The following SLC47A2 variants were observed in gnomAD, a reference collection of about 807,000 sequenced individuals.
The protein encoded by SLC47A2 is multidrug and toxin extrusion protein 2.
In SLC47A2, 52 loss-of-function variants were observed where a neutral mutation model predicts 67.7. That is an observed-to-expected ratio of 0.77 (90% CI 0.61 to 0.97). The LOEUF (loss-of-function observed/expected upper bound fraction) is 0.97. SLC47A2 is among the 50% of genes least tolerant of loss of function. The probability of loss-of-function intolerance (pLI) is 0.00; values close to 1 mark genes in which losing one functional copy is unlikely to be tolerated. For synonymous variants in SLC47A2, 278 were observed against 292.9 expected (o/e 0.95, Z 0.52); for missense variants, 676 against 712.3 (o/e 0.95, Z 0.58).
intron 13 of SLC47A2, among the ~76,000 whole-genome samples, chr17:19,693,020 A>T (rs1466039855): frequency 6.6e-6 from 1 of 152,042 alleles, no homozygotes; most frequent in Admixed American, 6.6e-5. Context: ...AATCCCAGCT[A>T]CTTGGGAGGC....
At chr17:19,708,893 C>T in intron 5 of SLC47A2, 133 bp from the exon 6 acceptor site, 1 of 1,163,396 alleles carries the variant, frequency 8.6e-7, no homozygotes, top group Non-Finnish European at 1.2e-6. Flanking sequence ...TGTCTGGGAC[C>T]TCTCAGGTGC....
rs2086021693 is a variant in SLC47A2 at position 19,708,903 on chromosome 17, C to T, written c.487-143G>A. 1.2e-5 allele frequency: 13 copies of T among 1,042,616 alleles called. No individual in the cohort carries two copies. In the South Asian group the frequency reaches 1.4e-4, roughly 11 times the overall value. 64.6% of individuals were successfully genotyped at this position (1,042,616 alleles called of 1,614,324 possible). On this transcript the variant is annotated intron_variant, in intron 5 of 16. Coordinates refer to ENST00000433844, the MANE Select transcript of SLC47A2 (RefSeq NM_001099646.3). ...AAGTATGTCTGGGACCTCTCAGGTG[C>T]GGCCAAAGCCTACCCAGCCACCTGG...
intron 13 of SLC47A2, among the ~76,000 whole-genome samples, chr17:19,683,316 C>CT (rs1299508047): frequency 6.6e-6 from 1 of 152,156 alleles, no homozygotes; most frequent in Non-Finnish European, 1.5e-5. Flanking sequence ...GGGGACCGCC[C>CT]TCCCCCCACC....
chr17:19,714,571 T>G, intron 3 of SLC47A2, 150 bp downstream of exon 3: 1 of 822,366 alleles, frequency 1.2e-6, no homozygotes, highest in South Asian at 1.5e-5. Context: ...CAGCCTGTGG[T>G]CCTTGGAGGT....
At chr17:19,706,005 T>A (rs2085925320) in intron 9 of SLC47A2, among the ~76,000 whole-genome samples, 1 of 152,178 alleles carries the variant, frequency 6.6e-6, no homozygotes, top group Non-Finnish European at 1.5e-5. Flanking sequence ...CCTGCAGGCT[T>A]CCCTGTGTGG....
At chr17:19,705,174 T>C (rs939540052) in intron 10 of SLC47A2, 1 of 479,354 alleles carries the variant, frequency 2.1e-6, no homozygotes, top group Non-Finnish European at 3.6e-6. Context: ...ATGTGAAATC[T>C]CCCAATTTTA....
chr17:19,702,951 T>A (rs2085825224), intron 12 of SLC47A2, 141 bp downstream of exon 12: 1 of 979,164 alleles, frequency 1.0e-6, no homozygotes, highest in South Asian at 1.6e-5. Flanking sequence ...AGAAGTTGGC[T>A]TCCTCTCAGT....
chr17:19,716,468 C>T lies in SLC47A2; in HGVS notation c.88G>A (p.Glu30Lys), dbSNP rs2086270534. The T allele has an allele frequency of 6.2e-7, 1 of 1,612,510 alleles. No individual in the cohort carries two copies. The highest frequency in any genetic ancestry group is 8.5e-7 in the Non-Finnish European group (1 of 1,179,368). The change falls in exon 1 of 17, where the codon GAG becomes AAG. Residue 30 changes from glutamate to lysine, a missense_variant. Transcript: ENST00000433844. ...GAAAGGGCAAAGAGAGTCCACATCT[C>T]AGTCCCAAAGCCTCTGGGAACCAGC... is the stretch of plus-strand genomic sequence containing the variant. ...SRLVPRGFGTEMWTLFALSGP... is the reference protein window; with the variant it reads ...SRLVPRGFGTKMWTLFALSGP...
At chr17:19,714,089 T>TGGTGACCAC (rs1597645488) in intron 3 of SLC47A2, 116 bp from the exon 4 acceptor site, 2 of 1,396,874 alleles carry the variant, frequency 1.4e-6, no homozygotes, top group East Asian at 5.0e-5. Flanking sequence ...CGGCGGCCTC[T>TGGTGACCAC]GGTGACCACA....
chr17:19,708,366 C>T lies in SLC47A2; in HGVS notation c.565G>A (p.Val189Met). The T allele has an allele frequency of 6.2e-7, 1 of 1,613,996 alleles. No individual in the cohort carries two copies. The highest frequency in any genetic ancestry group is 2.2e-5 in the East Asian group (1 of 44,884). ...ITWPQVLSGV[V>M]GNCVNGVANY... is the part of the protein sequence containing the mutation. ...GCCACACCGTTGACACAGTTGCCCA[C>T]CACACCACTGAGGACTTGGGGCCAG... Residue 189 changes from valine to methionine, a missense_variant, in exon 7 of 17, where the codon GTG becomes ATG. Physicochemically the swap from Val to Met is conservative, Grantham distance 21. Coordinates refer to ENST00000433844, the MANE Select transcript of SLC47A2 (RefSeq NM_001099646.3).
At chr17:19,703,039 T>G in intron 12 of SLC47A2, 53 bp downstream of exon 12, 1 of 1,559,710 alleles carries the variant, frequency 6.4e-7, no homozygotes, top group Non-Finnish European at 8.8e-7. Context: ...GAGGACACAC[T>G]GGGAACCACT....
At chr17:19,705,411 G>T in intron 10 of SLC47A2, 25 bp downstream of exon 10, 1 of 1,599,896 alleles carries the variant, frequency 6.3e-7, no homozygotes, top group Non-Finnish European at 8.5e-7. Context: ...GGGATGTGGG[G>T]AAGGCACCCC....
intron 13 of SLC47A2, among the ~76,000 whole-genome samples, chr17:19,682,637 C>A (rs1396340998): frequency 6.6e-6 from 1 of 152,226 alleles, no homozygotes; most frequent in Non-Finnish European, 1.5e-5. Flanking sequence ...CCAGGATAAT[C>A]CCCCTATCTC....
At chr17:19,691,892 TAAAC>T (rs900218868) in intron 13 of SLC47A2, among the ~76,000 whole-genome samples, 2 of 152,080 alleles carry the variant, frequency 1.3e-5, no homozygotes, top group African/African-American at 4.8e-5. Context: ...TTAAGATAAA[TAAAC>T]AACCAGAGAA....
chr17:19,714,038 G>T (rs2086181969), intron 3 of SLC47A2, 65 bp from the exon 4 acceptor site: 3 of 1,549,688 alleles, frequency 1.9e-6, no homozygotes, highest in South Asian at 2.4e-5. Context: ...ATCCCGCGCG[G>T]GGAGCGGGCT....
intron 13 of SLC47A2, among the ~76,000 whole-genome samples, chr17:19,695,174 A>C (rs2085631821): frequency 6.6e-6 from 1 of 152,190 alleles, no homozygotes; most frequent in African/African-American, 2.4e-5. Flanking sequence ...CCTACTGTAC[A>C]ACATGTTAAC....
chr17:19,698,267 G>T (rs1037345709), intron 13 of SLC47A2, among the ~76,000 whole-genome samples: 1 of 152,196 alleles, frequency 6.6e-6, no homozygotes, highest in Admixed American at 6.5e-5. Context: ...TTGCATTATA[G>T]TCAACCCTAA....
At position 19,708,444 on chromosome 17, in the gene SLC47A2, G is replaced by C. The variant is rs201090632; in HGVS notation, c.532-45C>G. ...GCCCTGCTAAGGTGTGAGTGAGATGGATGGAGGATGGACAAACCCGGGGTT... is the reference window on the plus strand; with the variant it reads ...GCCCTGCTAAGGTGTGAGTGAGATGCATGGAGGATGGACAAACCCGGGGTT... On this transcript the variant is annotated intron_variant, in intron 6 of 16. Coordinates refer to ENST00000433844, the MANE Select transcript of SLC47A2 (RefSeq NM_001099646.3). 5 of 1,614,192 alleles carry C rather than the reference G, an allele frequency of 3.1e-6. No homozygotes were observed. In the South Asian group the frequency reaches 5.5e-5, roughly 18 times the overall value.
At chr17:19,714,895 C>T (rs112554182) in intron 2 of SLC47A2, 106 bp from the exon 3 acceptor site, 25 of 1,502,856 alleles carry the variant, frequency 1.7e-5, no homozygotes, top group African/African-American at 1.2e-4. Context: ...CAGCAGGCAG[C>T]GGTGGCAGAG....
Sources: gnomAD v4.1 joint callset for allele counts (sites outside exome capture counted in the v4.1 genomes callset) on GRCh38, gnomAD v4.1.1 for gene constraint, MANE v1.5 for transcripts, NCBI Gene and HGNC (gene_info 2026-07-23, HGNC 2026-07-21) for gene names.